Variants in CLIP1 observed in about 807,000 individuals in gnomAD.
The protein encoded by CLIP1 is CAP-Gly domain-containing linker protein 1.
In CLIP1, 66 loss-of-function variants were observed where a neutral mutation model predicts 161.6. The ratio of observed to expected loss-of-function variants is 0.41; its 90% CI spans 0.33 to 0.50. CLIP1 has a LOEUF of 0.50. Ranked by LOEUF, CLIP1 falls within the 20% of genes least tolerant of loss-of-function variation. The pLI is 0.27. For synonymous variants in CLIP1, 598 were observed against 626.2 expected (o/e 0.96, Z 0.67); for missense variants, 1,376 against 1,702.0 (o/e 0.81, Z 3.37).
intron 8 of CLIP1, 27 bp from the exon 9 acceptor site, chr12:122,351,170 AAAC>A (rs1180318711): frequency 1.5e-5 from 21 of 1,374,816 alleles, no homozygotes; most frequent in East Asian, 9.9e-5. Context: ...AAAAAAAATT[AAAC>A]AACAACAAAA....
At chr12:122,342,654 G>C (rs1366492845) in intron 10 of CLIP1, 1 of 152,070 alleles carries the variant, frequency 6.6e-6, no homozygotes, top group African/African-American at 2.4e-5. Flanking sequence ...AACACAGCAA[G>C]ACCCCGTCTT....
intron 5 of CLIP1, among the ~76,000 whole-genome samples, chr12:122,360,585 G>A (rs1555272451): frequency 2.6e-5 from 4 of 152,118 alleles, no homozygotes; most frequent in East Asian, 1.9e-4. Context: ...GAGAGGGAGA[G>A]ACAGATCTAT....
chr12:122,284,809 A>G (rs1955785914), intron 21 of CLIP1, among the ~76,000 whole-genome samples: 2 of 152,252 alleles, frequency 1.3e-5, no homozygotes, highest in Admixed American at 1.3e-4. Context: ...TAAAAAGCTT[A>G]AAAATTCACT....
chr12:122,375,979 C>T (rs1954706319), intron 3 of CLIP1, among the ~76,000 whole-genome samples: 1 of 151,982 alleles, frequency 6.6e-6, no homozygotes, highest in African/African-American at 2.4e-5. Flanking sequence ...TGCTTTGTTG[C>T]CCAGGCTGGA....
chr12:122,349,515 G>A (rs56861120), intron 9 of CLIP1, among the ~76,000 whole-genome samples: 15,185 of 152,128 alleles, frequency 0.1, 1,269 homozygotes, highest in East Asian at 0.45. Context: ...GGCTGGTCTC[G>A]AACTGGCTGG....
At chr12:122,419,081 C>T (rs918327221) in intron 1 of CLIP1, among the ~76,000 whole-genome samples, 1 of 151,800 alleles carries the variant, frequency 6.6e-6, no homozygotes, top group Non-Finnish European at 1.5e-5. Flanking sequence ...TTCAATTAAC[C>T]AAGAAACAGA....
chr12:122,368,836 C>A (rs58470544), intron 3 of CLIP1, among the ~76,000 whole-genome samples: 1 of 151,432 alleles, frequency 6.6e-6, no homozygotes, highest in East Asian at 1.9e-4. Flanking sequence ...GAGGTTGAGG[C>A]GGGAAAATCA....
chr12:122,394,365 T>C (rs916910054), intron 1 of CLIP1, among the ~76,000 whole-genome samples: 1 of 151,392 alleles, frequency 6.6e-6, no homozygotes, highest in African/African-American at 2.4e-5. Context: ...GGCACGTGCC[T>C]ATAATCCCAG....
Position 122,341,213 on chromosome 12 carries a change from T to C in CLIP1, c.1991A>G (p.Glu664Gly). ...AEFAELKTQI[E>G]KMRLDYQHEI... ...GTGTTGGTAATCTAGTCTCATTTTC[T>C]CTATTTGTGTTTTTAGTTCAGCAAA... is the stretch of plus-strand genomic sequence containing the variant. The change falls in exon 11 of 26, where the codon GAG (glutamate) becomes GGG (glycine). Residue 664 changes from glutamate (E) to glycine (G), a missense_variant. Glu to Gly is a moderately conservative substitution (Grantham distance 98, BLOSUM62 -2). Around this residue, in one of 6 missense-constraint regions of CLIP1, gnomAD observed 948 missense variants for 1,134.8 expected, o/e 0.84. Transcript: ENST00000620786. The C allele has an allele frequency of 6.2e-7, 1 of 1,614,210 alleles. No individual in the cohort carries two copies. The highest frequency in any genetic ancestry group is 8.5e-7 in the Non-Finnish European group (1 of 1,180,038).
chr12:122,283,745 C>T (rs1027556963), intron 21 of CLIP1, among the ~76,000 whole-genome samples: 1 of 152,130 alleles, frequency 6.6e-6, no homozygotes, highest in Non-Finnish European at 1.5e-5. Context: ...CGCACCCAGC[C>T]GGATTCTAAT....
chr12:122,404,318 C>T (rs1235202034), intron 1 of CLIP1, among the ~76,000 whole-genome samples: 3 of 152,258 alleles, frequency 2.0e-5, no homozygotes, highest in South Asian at 4.1e-4. Context: ...CAGAATAGGC[C>T]GGGTGCAGTG....
At chr12:122,409,407 C>T (rs1042522308) in intron 1 of CLIP1, among the ~76,000 whole-genome samples, 3 of 148,874 alleles carry the variant, frequency 2.0e-5, no homozygotes, top group Admixed American at 6.7e-5. Context: ...ATTACAGGCA[C>T]GAGCCACCAC....
chr12:122,354,514 T>A lies in CLIP1; in HGVS notation c.1246A>T (p.Met416Leu). Residue 416 changes from methionine (M) to leucine (L), a missense_variant, in exon 7 of 26, where the codon ATG becomes TTG. Coordinates refer to ENST00000620786, the MANE Select transcript of CLIP1 (RefSeq NM_001247997.2). ...TTCTCCCTGTCAGCAGCTTCCACCA[T>A]TGTTCGCAGCTGGTCCATTTTGGCT... ...LEAKMDQLRTMVEAADREKVE... is the reference protein window; with the variant it reads ...LEAKMDQLRTLVEAADREKVE... 1 of 1,613,836 alleles carries A rather than the reference T, an allele frequency of 6.2e-7. No homozygotes were observed. The highest frequency in any genetic ancestry group is 8.5e-7 in the Non-Finnish European group (1 of 1,179,834).
intron 1 of CLIP1, among the ~76,000 whole-genome samples, chr12:122,417,505 T>C (rs1017785209): frequency 8.1e-6 from 1 of 124,086 alleles, no homozygotes; most frequent in African/African-American, 3.1e-5. Context: ...ATAAAATTAT[T>C]CTGCCTTTTT....
At chr12:122,411,523 G>T (rs1049653191) in intron 1 of CLIP1, among the ~76,000 whole-genome samples, 1 of 152,108 alleles carries the variant, frequency 6.6e-6, no homozygotes, top group African/African-American at 2.4e-5. Context: ...GAGACACAAT[G>T]TGGTATTGGG....
intron 11 of CLIP1, among the ~76,000 whole-genome samples, chr12:122,336,962 G>GTTTTTTTTTTT (rs11433673): frequency 1.4e-5 from 2 of 144,330 alleles, no homozygotes; most frequent in African/African-American, 2.5e-5. Context: ...CTATTTTTGT[G>GTTTTTTTTTTT]TTTTTTTTTT....
At chr12:122,333,972 G>T in intron 14 of CLIP1, 55 bp downstream of exon 14, 2 of 1,077,714 alleles carry the variant, frequency 1.9e-6, no homozygotes, top group South Asian at 1.3e-5. Context: ...CAACTGTCTC[G>T]AATACGGGAA....
chr12:122,403,368 C>G (rs776669834), intron 1 of CLIP1, among the ~76,000 whole-genome samples: 1 of 151,966 alleles, frequency 6.6e-6, no homozygotes, highest in Admixed American at 6.6e-5. Flanking sequence ...CCACATGAAA[C>G]TCAAAGCAAA....
At chr12:122,314,247 C>T (rs1454587999) in intron 19 of CLIP1, among the ~76,000 whole-genome samples, 1 of 147,098 alleles carries the variant, frequency 6.8e-6, no homozygotes, top group Non-Finnish European at 1.5e-5. Flanking sequence ...GCCGAGACTG[C>T]ACCACTGCAC....
Sources: gnomAD v4.1 joint callset for allele counts (sites outside exome capture counted in the v4.1 genomes callset) on GRCh38, gnomAD v4.1.1 for gene constraint, gnomAD v4.1.1 regional missense constraint, MANE v1.5 for transcripts, NCBI Gene and HGNC (gene_info 2026-07-23, HGNC 2026-07-21) for gene names.